CFAP52: variants seen among roughly 807,000 people sequenced by gnomAD.
CFAP52 encodes cilia- and flagella-associated protein 52.
In CFAP52, 57 loss-of-function variants were observed where a neutral mutation model predicts 70.5. The observed-to-expected ratio is 0.81, with a 90% CI of 0.65 to 1.01. CFAP52 has a LOEUF of 1.01. Ranked by LOEUF, CFAP52 falls within the 50% of genes least tolerant of loss-of-function variation. The probability of loss-of-function intolerance (pLI) is 0.00; values close to 1 mark genes in which losing one functional copy is unlikely to be tolerated. For missense variants in CFAP52, 785 were observed against 788.5 expected (o/e 1.00, Z 0.05); for synonymous variants, 267 against 292.5 (o/e 0.91, Z 0.89).
chr17:9,599,303 A>G (rs2151935872), intron 5 of CFAP52, among the ~76,000 whole-genome samples: 1 of 152,338 alleles, frequency 6.6e-6, no homozygotes, highest in Admixed American at 6.5e-5. Flanking sequence ...TTTTTGGATT[A>G]TACTCAACCT....
At chr17:9,636,559 C>T (rs1910812992) in intron 11 of CFAP52, among the ~76,000 whole-genome samples, 1 of 152,094 alleles carries the variant, frequency 6.6e-6, no homozygotes, top group African/African-American at 2.4e-5. Flanking sequence ...ATTTTAGAAT[C>T]GGATGCCATT....
chr17:9,627,404 G>A (rs976019218), intron 8 of CFAP52, among the ~76,000 whole-genome samples: 27 of 152,176 alleles, frequency 1.8e-4, no homozygotes, highest in South Asian at 4.2e-4. Context: ...CCAGCTACTC[G>A]GGAGGCTGAG....
intron 8 of CFAP52, among the ~76,000 whole-genome samples, chr17:9,628,091 T>G (rs1026237688): frequency 6.6e-6 from 1 of 152,040 alleles, no homozygotes; most frequent in Non-Finnish European, 1.5e-5. Flanking sequence ...CTACCAAGAC[T>G]TTGTGAGAAT....
At chr17:9,609,138 AC>A (rs1345457859) in intron 7 of CFAP52, among the ~76,000 whole-genome samples, 2 of 152,128 alleles carry the variant, frequency 1.3e-5, no homozygotes. Flanking sequence ...AGAAATGAGC[AC>A]CAGCTGTCTT....
At chr17:9,631,052 G>GAGAGAGAGAGAGAGAAAGAAAGAA (rs370935367) in intron 9 of CFAP52, among the ~76,000 whole-genome samples, 1 of 37,958 alleles carries the variant, frequency 2.6e-5, no homozygotes, top group African/African-American at 1.3e-4. Flanking sequence ...GAGAGAGAGA[G>GAGAGAGAGAGAGAGAAAGAAAGAA]AGAAAGAAAG....
intron 8 of CFAP52, 151 bp from the exon 9 acceptor site, chr17:9,628,521 A>G: frequency 2.0e-6 from 2 of 986,408 alleles, no homozygotes; most frequent in South Asian, 3.5e-5. Context: ...CTCGTGATCC[A>G]CCCCCCTGGC....
chr17:9,581,651 G>A (rs1170458715), intron 1 of CFAP52, among the ~76,000 whole-genome samples: 1 of 152,078 alleles, frequency 6.6e-6, no homozygotes, highest in African/African-American at 2.4e-5. Flanking sequence ...CAAAGAATAT[G>A]AATTGTAGTG....
chr17:9,587,468 T>A (rs1471844063), intron 3 of CFAP52, among the ~76,000 whole-genome samples: 1 of 152,238 alleles, frequency 6.6e-6, no homozygotes, highest in East Asian at 1.9e-4. Flanking sequence ...ATGGTTCAAC[T>A]AATCTACTCT....
chr17:9,640,293 A>G lies in CFAP52; in HGVS notation c.1576-1431A>G, dbSNP rs141768118. Among the ~76,000 whole-genome samples, 15 of 148,168 alleles carry G rather than the reference A, an allele frequency of 1.0e-4. No individual in the cohort carries two copies. In the Admixed American group the frequency reaches 1.0e-3, roughly 10 times the overall value. On this transcript the variant is annotated intron_variant, in intron 12 of 13. Coordinates refer to ENST00000352665, the MANE Select transcript of CFAP52 (RefSeq NM_145054.5). ...TGCAGGATGTGCAGGTTTGTTCCAT[A>G]GGTAAACATGTGCCGTGGTGGTTTG...
rs778658732 is a variant in CFAP52, at chr17:9,600,091, T to C, written c.661T>C (p.Tyr221His). 1.2e-6 allele frequency: 2 copies of C among 1,613,864 alleles called. No homozygotes were observed. The change falls in exon 6 of 14, where the codon TAC becomes CAC. Residue 221 changes from tyrosine (Y) to histidine (H), a missense_variant. Physicochemically the swap from Tyr to His is moderately conservative, Grantham distance 83 (BLOSUM62 2). Coordinates refer to ENST00000352665, the MANE Select transcript of CFAP52 (RefSeq NM_145054.5). ...IGVDDDDSFF[Y>H]LGTTTGDILK... ...GGTGGATGATGATGATAGCTTTTTC[T>C]ACCTTGGCACCACGACTGGAGATAT...
At chr17:9,589,801 CTTTT>C (rs3060109) in intron 3 of CFAP52, 5 of 93,186 alleles carry the variant, frequency 5.4e-5, no homozygotes, top group Non-Finnish European at 9.7e-5. Context: ...CTTAGCTCAA[CTTTT>C]TTTTTTTTTT....
Position 9,635,538 on chromosome 17 carries a change from G to T in CFAP52, c.1454G>T (p.Cys485Phe), listed in dbSNP as rs753993075. 2 of 1,614,208 alleles carry T rather than the reference G, an allele frequency of 1.2e-6. No individual in the cohort carries two copies. Among genetic ancestry groups the T allele is most frequent in the African/African-American group, 1.3e-5 (1 of 75,066 alleles). ...GTCACCGCCAGCACCGATGGGACTT[G>T]TATCATTTGGGACCTTGTGTAGGTA... Reference protein sequence around the residue: ...ECVTASTDGTCIIWDLVRLRR... With the variant: ...ECVTASTDGTFIIWDLVRLRR... Residue 485 changes from cysteine to phenylalanine, a missense_variant, in exon 11 of 14, where the codon TGT (cysteine) becomes TTT (phenylalanine). By Grantham distance (205) the Cys-to-Phe change is radical. Transcript: ENST00000352665.
At position 9,613,541 on chromosome 17, in the gene CFAP52, G is replaced by A. The variant is rs569035081; in HGVS notation, c.1025+1062G>A. ...TTGTTTGTTTGTTTGTTTTTGAAGC[G>A]GAGTCTTGCTCTGTCACCCAGGCTG... On this transcript the variant is annotated intron_variant, in intron 8 of 13. Coordinates refer to ENST00000352665, the MANE Select transcript of CFAP52 (RefSeq NM_145054.5). Among the ~76,000 whole-genome samples the A allele has an allele frequency of 2.3e-3, 349 of 151,462 alleles. 1 individual carries two copies. Among genetic ancestry groups the A allele is most frequent in the Non-Finnish European group, 4.1e-3 (276 of 67,876 alleles).
intron 6 of CFAP52, among the ~76,000 whole-genome samples, chr17:9,606,933 C>T (rs1909515702): frequency 6.6e-6 from 1 of 152,156 alleles, no homozygotes; most frequent in Non-Finnish European, 1.5e-5. Flanking sequence ...GTCTTTTGAG[C>T]CACAACAGGC....
chr17:9,582,231 T>G (rs1302093441), intron 1 of CFAP52, among the ~76,000 whole-genome samples: 1 of 152,188 alleles, frequency 6.6e-6, no homozygotes, highest in East Asian at 1.9e-4. Flanking sequence ...AAAGACACAT[T>G]GTTTTCCAAA....
intron 1 of CFAP52, chr17:9,584,082 T>C (rs923892828): frequency 6.8e-5 from 40 of 586,218 alleles, no homozygotes; most frequent in Admixed American, 1.0e-4. Flanking sequence ...AGTCAATATG[T>C]TGGGGCCTTC....
intron 1 of CFAP52, among the ~76,000 whole-genome samples, chr17:9,585,289 T>C (rs1908400822): frequency 6.6e-6 from 1 of 152,222 alleles, no homozygotes; most frequent in South Asian, 2.1e-4. Flanking sequence ...CATCAAAGTT[T>C]AAGATGTGAT....
chr17:9,616,040 G>A (rs982766133), intron 8 of CFAP52, among the ~76,000 whole-genome samples: 3 of 151,172 alleles, frequency 2.0e-5, no homozygotes, highest in Non-Finnish European at 3.0e-5. Context: ...AGCTCCCAGC[G>A]TGAGCGACGC....
At chr17:9,635,659 T>C in intron 11 of CFAP52, 103 bp downstream of exon 11, 1 of 1,453,842 alleles carries the variant, frequency 6.9e-7, no homozygotes, top group South Asian at 1.3e-5. Context: ...GTAGAAATCT[T>C]ATTTAAGGCA....
Sources: allele counts gnomAD v4.1 joint callset (sites outside exome capture counted in the v4.1 genomes callset), GRCh38; gene constraint gnomAD v4.1.1; transcripts MANE v1.5; gene names NCBI Gene and HGNC (gene_info 2026-07-23, HGNC 2026-07-21).